The following DHX30 variants were observed in gnomAD, a reference collection of about 807,000 sequenced individuals.
The protein encoded by DHX30 is DExH-box helicase 30.
In DHX30, 4 loss-of-function variants were observed where a neutral mutation model predicts 116.9. The observed-to-expected ratio is 0.03, with a 90% CI of 0.02 to 0.08. DHX30 has a LOEUF of 0.08. Among genes scored for constraint, DHX30 ranks in the 10% least tolerant of loss-of-function variants. DHX30 has a pLI of 1.00. For missense variants in DHX30, 871 were observed against 1,595.1 expected (o/e 0.55, Z 7.73); for synonymous variants, 697 against 651.7 (o/e 1.07, Z -1.06).
chr3:47,831,100 A>G (rs1410267886), intron 6 of DHX30: 1 of 151,626 alleles, frequency 6.6e-6, no homozygotes, highest in Non-Finnish European at 1.5e-5. Flanking sequence ...AAAGGAATAC[A>G]TGAGACTGGG....
chr3:47,814,142 C>T (rs886449898), intron 3 of DHX30, among the ~76,000 whole-genome samples: 1 of 151,536 alleles, frequency 6.6e-6, no homozygotes, highest in African/African-American at 2.4e-5. Flanking sequence ...TCACGATCCT[C>T]AGCTGAGCGC....
intron 4 of DHX30, among the ~76,000 whole-genome samples, chr3:47,821,091 C>T (rs2036277846): frequency 6.6e-6 from 1 of 151,650 alleles, no homozygotes; most frequent in Admixed American, 6.6e-5. Context: ...GTAACCGGAA[C>T]TACAGGCATG....
At chr3:47,813,502 G>A (rs2035894330) in intron 3 of DHX30, among the ~76,000 whole-genome samples, 1 of 152,152 alleles carries the variant, frequency 6.6e-6, no homozygotes, top group African/African-American at 2.4e-5. Flanking sequence ...GACTTTAGGG[G>A]CCAGATCCTG....
At chr3:47,844,388 G>A (rs1451688896) in intron 9 of DHX30, among the ~76,000 whole-genome samples, 2 of 152,256 alleles carry the variant, frequency 1.3e-5, no homozygotes, top group Non-Finnish European at 2.9e-5. Context: ...CGCACTGTGA[G>A]CAGAAGCACC....
In DHX30 at chr3:47,849,773, G is replaced by T; in HGVS notation, c.3331+4G>T. On this transcript the variant is annotated splice_donor_region_variant and intron_variant, in intron 21 of 21. Coordinates refer to ENST00000445061, the MANE Select transcript of DHX30 (RefSeq NM_138615.3). ...GACGGGGACGTGCACATCCGTGGTG[G>T]GTGCCTGCAGGCCTCCCGCCCACCC... 1 of 1,610,846 alleles carries T rather than the reference G, an allele frequency of 6.2e-7. No individual in the cohort carries two copies. The highest frequency in any genetic ancestry group is 8.5e-7 in the Non-Finnish European group (1 of 1,177,844).
chr3:47,803,990 C>T (rs1352029542), intron 1 of DHX30, among the ~76,000 whole-genome samples: 2 of 152,206 alleles, frequency 1.3e-5, no homozygotes, highest in African/African-American at 4.8e-5. Flanking sequence ...CAGAAGGCCA[C>T]TTACAGGCTT....
chr3:47,819,780 AC>A (rs997797389), intron 4 of DHX30, among the ~76,000 whole-genome samples: 1 of 151,748 alleles, frequency 6.6e-6, no homozygotes, highest in Non-Finnish European at 1.5e-5. Context: ...TACCTCCTTG[AC>A]CCCCCTTCCT....
chr3:47,832,132 A>G (rs1190043214), intron 6 of DHX30, among the ~76,000 whole-genome samples: 1 of 150,688 alleles, frequency 6.6e-6, no homozygotes, highest in Non-Finnish European at 1.5e-5. Context: ...GCTGGTCTCT[A>G]ATTCCTGGGC....
chr3:47,846,278 T>C lies in DHX30; in HGVS notation c.1206T>C (p.Tyr402=), dbSNP rs572771845. Residue 402 remains tyrosine (Y), a synonymous_variant, in exon 11 of 22, where the codon TAT becomes TAC. Transcript: ENST00000445061. ...GTGACCCTATCACAGGCAAGCCCTATGTGCCCCTGTTGGAAGCAGAGGAGG... is the reference window on the plus strand; with the variant it reads ...GTGACCCTATCACAGGCAAGCCCTACGTGCCCCTGTTGGAAGCAGAGGAGG... ...PLSDPITGKP[Y]VPLLEAEEVR... is the part of the protein sequence containing the mutation. 9.3e-6 allele frequency: 15 copies of C among 1,614,236 alleles called. No individual in the cohort carries two copies. The Admixed American group carries it at 2.2e-4, about 23-fold the overall frequency.
chr3:47,821,342 C>T (rs1378672288), intron 4 of DHX30, among the ~76,000 whole-genome samples: 1 of 151,532 alleles, frequency 6.6e-6, no homozygotes, highest in African/African-American at 2.4e-5. Flanking sequence ...CTTGGCTCAC[C>T]GCAACCTCCG....
chr3:47,827,395 A>G lies in DHX30; in HGVS notation c.173A>G (p.Asn58Ser). Residue 58 changes from asparagine to serine, a missense_variant, in exon 5 of 22, where the codon AAC (asparagine) becomes AGC (serine). This residue lies in a region of DHX30 where 66 missense variants were observed against 153.9 expected (regional missense o/e 0.43). Transcript: ENST00000445061. The stretch of plus-strand genomic sequence containing the variant: ...TTCCCACAGCCCAAAAATCTTCTCA[A>G]CAGTGTGATTGGAAGAGCCCTCGGC... ...KEFPQPKNLL[N>S]SVIGRALGIS... The G allele has an allele frequency of 6.2e-7, 1 of 1,614,108 alleles. No individual in the cohort carries two copies. The highest frequency in any genetic ancestry group is 8.5e-7 in the Non-Finnish European group (1 of 1,179,978).
chr3:47,840,420 G>A (rs983204409), intron 6 of DHX30, among the ~76,000 whole-genome samples: 2 of 151,740 alleles, frequency 1.3e-5, no homozygotes, highest in Non-Finnish European at 2.9e-5. Flanking sequence ...CAAGGCGGGC[G>A]GATCTGTTGG....
At chr3:47,833,251 A>G (rs903312936) in intron 6 of DHX30, among the ~76,000 whole-genome samples, 20 of 152,230 alleles carry the variant, frequency 1.3e-4, no homozygotes, top group African/African-American at 4.1e-4. Context: ...AAGGCTGGGT[A>G]TGGTGGCTCA....
At chr3:47,836,391 G>A (rs779469897) in intron 6 of DHX30, among the ~76,000 whole-genome samples, 1 of 152,040 alleles carries the variant, frequency 6.6e-6, no homozygotes, top group Non-Finnish European at 1.5e-5. Flanking sequence ...CTCTGCCTCC[G>A]CCTCCCAAAG....
At chr3:47,816,296 G>A (rs2036048931) in intron 3 of DHX30, 2 of 984,270 alleles carry the variant, frequency 2.0e-6, no homozygotes, top group Non-Finnish European at 2.4e-6. Context: ...AGATGCTTTG[G>A]ACTACCTAGA....
chr3:47,818,202 C>T lies in DHX30; in HGVS notation c.124+85C>T, dbSNP rs182159396. 4 of 715,154 alleles carry T rather than the reference C, an allele frequency of 5.6e-6. No homozygotes were observed. In the East Asian group the frequency reaches 9.9e-5, roughly 18 times the overall value. 44.3% of individuals were successfully genotyped at this position (715,154 alleles called of 1,614,324 possible). A position where few individuals can be genotyped will look rare whatever the true frequency, so the allele number is the denominator to read the frequency against. Reference sequence around the variant, plus strand: ...GGCAATGGGAGCCCTGGTGCCAGGGCCACAGCCCTCCAGAAAGTGAGTGAG... The same window carrying T: ...GGCAATGGGAGCCCTGGTGCCAGGGTCACAGCCCTCCAGAAAGTGAGTGAG... On this transcript the variant is annotated intron_variant, in intron 4 of 21. Transcript: ENST00000445061.
At position 47,849,617 on chromosome 3, in the gene DHX30, C is replaced by G; in HGVS notation, c.3192-13C>G. On this transcript the variant is annotated splice_polypyrimidine_tract_variant and intron_variant, in intron 20 of 21. Transcript: ENST00000445061. The stretch of plus-strand genomic sequence containing the variant: ...GTCCAAAAGGGTGGCCTCACCAGCC[C>G]TGTGTTCCCTAGGGAGGCCACACGG... The G allele has an allele frequency of 6.2e-7, 1 of 1,614,138 alleles. No individual in the cohort carries two copies. The highest frequency in any genetic ancestry group is 1.1e-5 in the South Asian group (1 of 91,084).
chr3:47,818,303 C>T (rs1280654778), intron 4 of DHX30, among the ~76,000 whole-genome samples, 186 bp downstream of exon 4: 1 of 152,136 alleles, frequency 6.6e-6, no homozygotes, highest in Non-Finnish European at 1.5e-5. Flanking sequence ...TTTCATGATC[C>T]CTTGACTCAT....
chr3:47,833,774 G>A (rs926247321), intron 6 of DHX30, among the ~76,000 whole-genome samples: 11 of 151,068 alleles, frequency 7.3e-5, no homozygotes, highest in African/African-American at 2.7e-4. Context: ...AGGAGAATCG[G>A]TTGAACCCAG....
Sources: gnomAD v4.1 joint callset for allele counts (sites outside exome capture counted in the v4.1 genomes callset) on GRCh38, gnomAD v4.1.1 for gene constraint, gnomAD v4.1.1 regional missense constraint, MANE v1.5 for transcripts, NCBI Gene and HGNC (gene_info 2026-07-23, HGNC 2026-07-21) for gene names.